The following SEMA3D variants were observed in gnomAD, a reference collection of about 807,000 sequenced individuals.
The protein encoded by SEMA3D is semaphorin 3D.
SEMA3D carries 84 observed loss-of-function variants against 100.1 expected under a neutral mutation model. That is an observed-to-expected ratio of 0.84 (90% CI 0.70 to 1.01). The LOEUF (loss-of-function observed/expected upper bound fraction) is 1.01, where lower values mean the gene tolerates loss of function less well. SEMA3D is among the 50% of genes least tolerant of loss of function. SEMA3D has a pLI of 0.00. For missense variants in SEMA3D, 875 were observed against 934.1 expected (o/e 0.94, Z 0.82); for synonymous variants, 312 against 320.7 (o/e 0.97, Z 0.29).
intron 2 of SEMA3D, among the ~76,000 whole-genome samples, chr7:85,130,979 G>A (rs1459991518): frequency 6.6e-6 from 1 of 152,024 alleles, no homozygotes; most frequent in Non-Finnish European, 1.5e-5. Context: ...GATAACAAGG[G>A]TATCTGATTC....
the SEMA3D span, among the ~76,000 whole-genome samples, chr7:85,242,665 T>G: frequency 4.6e-5 from 7 of 152,186 alleles, no homozygotes; most frequent in Admixed American, 1.3e-4. Context: ...TGGATTTATC[T>G]ACTTCTCCTT....
At chr7:85,117,881 C>A (rs1384826131) in intron 3 of SEMA3D, among the ~76,000 whole-genome samples, 2 of 150,176 alleles carry the variant, frequency 1.3e-5, no homozygotes, top group African/African-American at 4.9e-5. Context: ...AAAAATATAT[C>A]TTTTTGTAGA....
At chr7:85,212,193 T>A in the SEMA3D span, among the ~76,000 whole-genome samples, 1 of 143,020 alleles carries the variant, frequency 7.0e-6, no homozygotes, top group Admixed American at 6.7e-5. Context: ...CAGATTCTTC[T>A]GTGTTTCTCT....
At chr7:85,023,905 A>T (rs1437648009) in intron 12 of SEMA3D, among the ~76,000 whole-genome samples, 1 of 151,920 alleles carries the variant, frequency 6.6e-6, no homozygotes, top group Non-Finnish European at 1.5e-5. Flanking sequence ...AAAAATTTTC[A>T]ATGTCTGGTA....
chr7:85,012,134 T>C (rs1248309070), intron 17 of SEMA3D, among the ~76,000 whole-genome samples: 1 of 151,744 alleles, frequency 6.6e-6, no homozygotes, highest in Non-Finnish European at 1.5e-5. Context: ...TTCAAGATCT[T>C]CTATTCTGTG....
At chr7:85,122,330 C>T (rs1167529749) in intron 2 of SEMA3D, among the ~76,000 whole-genome samples, 1 of 151,838 alleles carries the variant, frequency 6.6e-6, no homozygotes, top group Non-Finnish European at 1.5e-5. Flanking sequence ...AATAATTTTC[C>T]CATCGCTCTT....
the SEMA3D span, among the ~76,000 whole-genome samples, chr7:85,247,030 T>A: frequency 6.6e-6 from 1 of 151,968 alleles, no homozygotes; most frequent in African/African-American, 2.4e-5. Context: ...AAGTCAAATA[T>A]ATATCAATAC....
intron 12 of SEMA3D, chr7:85,028,384 C>CAAA (rs61589019): frequency 0.025 from 4,658 of 183,712 alleles, 310 homozygotes; most frequent in East Asian, 0.15. Flanking sequence ...ACAGTTTAGA[C>CAAA]AAAAAAAAAA....
chr7:85,071,132 T>C (rs1317433956), intron 6 of SEMA3D, among the ~76,000 whole-genome samples: 2 of 152,210 alleles, frequency 1.3e-5, no homozygotes, highest in South Asian at 4.1e-4. Context: ...GAGTTTGGCC[T>C]TTATCCTTAG....
At chr7:85,046,418 T>A (rs1583867347) in intron 9 of SEMA3D, among the ~76,000 whole-genome samples, 1 of 152,052 alleles carries the variant, frequency 6.6e-6, no homozygotes, top group East Asian at 1.9e-4. Context: ...AGAAATTTTT[T>A]GAACAAAATA....
chr7:85,125,805 T>TGTG (rs1789551462), intron 2 of SEMA3D, among the ~76,000 whole-genome samples: 1 of 149,064 alleles, frequency 6.7e-6, no homozygotes, highest in Admixed American at 6.7e-5. Context: ...TGTGTGTGTG[T>TGTG]TGTGTGCACA....
intron 4 of SEMA3D, among the ~76,000 whole-genome samples, chr7:85,096,055 T>C (rs1788541468): frequency 6.6e-6 from 1 of 152,000 alleles, no homozygotes; most frequent in Admixed American, 6.6e-5. Flanking sequence ...TGAATTGCTT[T>C]TTGCTAGTAT....
chr7:85,232,787 T>C, the SEMA3D span, among the ~76,000 whole-genome samples: 1 of 152,142 alleles, frequency 6.6e-6, no homozygotes, highest in Non-Finnish European at 1.5e-5. Flanking sequence ...AAAAGTGAAA[T>C]CTATTGAAAC....
chr7:85,039,174 A>C (rs1790784630), intron 11 of SEMA3D, among the ~76,000 whole-genome samples: 1 of 152,144 alleles, frequency 6.6e-6, no homozygotes, highest in African/African-American at 2.4e-5. Context: ...GTGTGCTTTG[A>C]ACATAGTCAA....
At chr7:85,093,027 T>A (rs1194755231) in intron 4 of SEMA3D, among the ~76,000 whole-genome samples, 2 of 152,116 alleles carry the variant, frequency 1.3e-5, no homozygotes, top group Non-Finnish European at 1.5e-5. Flanking sequence ...CTTGTAGAAC[T>A]AGCTAATCTT....
At chr7:85,094,504 C>T (rs1346133586) in intron 4 of SEMA3D, among the ~76,000 whole-genome samples, 2 of 151,978 alleles carry the variant, frequency 1.3e-5, no homozygotes, top group Non-Finnish European at 2.9e-5. Context: ...CTCAATTCTC[C>T]CTTTGCCTAA....
intron 18 of SEMA3D, among the ~76,000 whole-genome samples, chr7:85,003,495 T>C (rs1157478842): frequency 6.6e-6 from 1 of 151,948 alleles, no homozygotes; most frequent in African/African-American, 2.4e-5. Context: ...TCTTTAAGCA[T>C]AACAGGTGAG....
intron 5 of SEMA3D, among the ~76,000 whole-genome samples, chr7:85,075,730 A>G (rs904550613): frequency 7.2e-5 from 11 of 152,336 alleles, no homozygotes; most frequent in African/African-American, 2.6e-4. Flanking sequence ...GCCTAGAGGC[A>G]ATAGAAAGGC....
At chr7:85,216,052 A>G in the SEMA3D span, among the ~76,000 whole-genome samples, 1 of 152,114 alleles carries the variant, frequency 6.6e-6, no homozygotes, top group East Asian at 1.9e-4. Flanking sequence ...TTTATTATAT[A>G]ATGGCAAACT....
Sources: allele counts gnomAD v4.1 joint callset (sites outside exome capture counted in the v4.1 genomes callset), GRCh38; gene constraint gnomAD v4.1.1; transcripts MANE v1.5; gene names NCBI Gene and HGNC (gene_info 2026-07-23, HGNC 2026-07-21).